Variants in GABRG1 observed in about 807,000 individuals in gnomAD.
The protein encoded by GABRG1 is gamma-aminobutyric acid type A receptor subunit gamma1.
A neutral mutation model predicts 49.8 loss-of-function variants in GABRG1; 49 were observed. The observed-to-expected ratio is 0.98, with a 90% CI of 0.78 to 1.25. The LOEUF (loss-of-function observed/expected upper bound fraction) is 1.25. Among genes scored for constraint, GABRG1 ranks in the 50% most tolerant of loss-of-function variants. GABRG1 has a pLI of 0.00. For missense variants in GABRG1, 552 were observed against 552.3 expected (o/e 1.00, Z 0.01); for synonymous variants, 232 against 185.1 (o/e 1.25, Z -2.06).
intron 3 of GABRG1, among the ~76,000 whole-genome samples, chr4:46,081,597 A>G (rs1016878751): frequency 6.6e-6 from 1 of 151,852 alleles, no homozygotes; most frequent in Non-Finnish European, 1.5e-5. Context: ...AGCCTGTAAT[A>G]AAGGGATGAT....
rs1717572193 is a variant in GABRG1, at chr4:46,037,380, CT to C, written c.*3607del. ...ATGGTTTTTGTAACTGTATAGAAGCCTGGCAAGACCTTCCTAGCAGTAAAAA... is the reference window on the plus strand; with the variant it reads ...ATGGTTTTTGTAACTGTATAGAAGCCGGCAAGACCTTCCTAGCAGTAAAAA... On this transcript the variant is annotated 3_prime_UTR_variant, in exon 9 of 9. Coordinates refer to ENST00000295452, the MANE Select transcript of GABRG1 (RefSeq NM_173536.4). 1 of 151,758 alleles carries C rather than the reference CT, an allele frequency of 6.6e-6. No individual in the cohort carries two copies. The highest frequency in any genetic ancestry group is 2.4e-5 in the African/African-American group (1 of 41,400). The allele number at this position is 151,758 out of a possible 1,614,324, so 9.4% of individuals were successfully genotyped here.
chr4:46,043,578 T>C (rs1002451670), intron 8 of GABRG1, among the ~76,000 whole-genome samples: 11 of 151,938 alleles, frequency 7.2e-5, no homozygotes, highest in African/African-American at 2.4e-4. Flanking sequence ...ATTCCAAGTC[T>C]TATTTATCTG....
chr4:46,079,929 G>T (rs1231628584), intron 3 of GABRG1, among the ~76,000 whole-genome samples: 1 of 151,726 alleles, frequency 6.6e-6, no homozygotes, highest in Non-Finnish European at 1.5e-5. Flanking sequence ...CTTCAATTCT[G>T]ATTGCATATT....
At chr4:46,104,449 CTTAG>C (rs1377181026) in intron 1 of GABRG1, among the ~76,000 whole-genome samples, 4 of 151,512 alleles carry the variant, frequency 2.6e-5, no homozygotes, top group East Asian at 2.0e-4. Context: ...ATTAACTAAT[CTTAG>C]TTAGTTATTA....
rs1168912455 is a variant in GABRG1, at chr4:46,038,125, C to A, written c.*2863G>T. ...AATGCCTCCAATTAGTTATCTAATT[C>A]CCACTTACATCAAGACTTCAGACTT... On this transcript the variant is annotated 3_prime_UTR_variant, in exon 9 of 9. Transcript: ENST00000295452. 6.6e-6 allele frequency: 1 copy of A among 151,598 alleles called. No individual in the cohort carries two copies. Among genetic ancestry groups the A allele is most frequent in the East Asian group, 1.9e-4 (1 of 5,168 alleles). 9.4% of individuals were successfully genotyped at this position (151,598 alleles called of 1,614,324 possible).
At chr4:46,109,030 T>C (rs1560373946) in intron 1 of GABRG1, among the ~76,000 whole-genome samples, 1 of 151,012 alleles carries the variant, frequency 6.6e-6, no homozygotes. Context: ...TTGGAGGGTT[T>C]TCCATATCTC....
At position 46,039,296 on chromosome 4, in the gene GABRG1, T is replaced by G. The variant is rs1036702137; in HGVS notation, c.*1692A>C. ...TGGGCATTACCATTTGATTCATGCTTATTTTTTTCCAGAAGTTTATGAGCA... is the reference window on the plus strand; with the variant it reads ...TGGGCATTACCATTTGATTCATGCTGATTTTTTTCCAGAAGTTTATGAGCA... On this transcript the variant is annotated 3_prime_UTR_variant, in exon 9 of 9. Coordinates refer to ENST00000295452, the MANE Select transcript of GABRG1 (RefSeq NM_173536.4). The G allele has an allele frequency of 4.6e-5, 7 of 151,508 alleles. No individual in the cohort carries two copies. The highest frequency in any genetic ancestry group is 2.0e-4 in the Admixed American group (3 of 15,136). The allele number at this position is 151,508 out of a possible 1,614,324, so 9.4% of individuals were successfully genotyped here.
intron 2 of GABRG1, among the ~76,000 whole-genome samples, chr4:46,087,297 A>G (rs551264274): frequency 1.4e-4 from 21 of 151,834 alleles, no homozygotes; most frequent in Admixed American, 1.4e-3. Flanking sequence ...TTATTGAGAC[A>G]ATTGGGAAGT....
At chr4:46,054,987 G>A (rs1428418394) in intron 7 of GABRG1, among the ~76,000 whole-genome samples, 1 of 95,546 alleles carries the variant, frequency 1.0e-5, no homozygotes, top group Non-Finnish European at 2.1e-5. Context: ...CTGTGGGTTT[G>A]TCATAAAAAC....
chr4:46,053,803 T>G (rs1202522780), intron 7 of GABRG1, among the ~76,000 whole-genome samples: 1 of 152,090 alleles, frequency 6.6e-6, no homozygotes, highest in Non-Finnish European at 1.5e-5. Context: ...TTTATTTAAT[T>G]TAGTAATTAT....
At chr4:46,077,512 T>A (rs1310919136) in intron 3 of GABRG1, among the ~76,000 whole-genome samples, 1 of 151,990 alleles carries the variant, frequency 6.6e-6, no homozygotes, top group Non-Finnish European at 1.5e-5. Flanking sequence ...CTTGGTTGAG[T>A]ATGTATTTCT....
At chr4:46,108,212 T>C (rs1430052653) in intron 1 of GABRG1, among the ~76,000 whole-genome samples, 1 of 151,076 alleles carries the variant, frequency 6.6e-6, no homozygotes, top group Admixed American at 6.6e-5. Context: ...TGATACTCTT[T>C]TCATGCACAT....
In GABRG1 at chr4:46,038,405, A is replaced by C. The variant is rs1421718391; in HGVS notation, c.*2583T>G. The C allele has an allele frequency of 6.6e-6, 1 of 151,692 alleles. No individual in the cohort carries two copies. Among genetic ancestry groups the C allele is most frequent in the Non-Finnish European group, 1.5e-5 (1 of 67,710 alleles). 9.4% of individuals were successfully genotyped at this position (151,692 alleles called of 1,614,324 possible). ...AACAAACATTTTTACAAATGATCTT[A>C]TTCCTTGTGCTCCAGGTATCCTTCC... On this transcript the variant is annotated 3_prime_UTR_variant, in exon 9 of 9. Transcript: ENST00000295452.
At chr4:46,102,999 T>C (rs868027837) in intron 1 of GABRG1, among the ~76,000 whole-genome samples, 14 of 149,714 alleles carry the variant, frequency 9.4e-5, no homozygotes, top group South Asian at 2.1e-4. Flanking sequence ...GGTTTACACC[T>C]GTTGCCCCAA....
intron 3 of GABRG1, among the ~76,000 whole-genome samples, chr4:46,076,384 T>G (rs1270522037): frequency 1.5e-5 from 2 of 136,790 alleles, no homozygotes; most frequent in African/African-American, 5.2e-5. Context: ...TATATATATA[T>G]ATATATATAT....
chr4:46,086,148 A>C (rs978951195), intron 2 of GABRG1, among the ~76,000 whole-genome samples: 2 of 151,626 alleles, frequency 1.3e-5, no homozygotes, highest in African/African-American at 4.8e-5. Context: ...CTGTTATTTT[A>C]AGTACTTTGC....
At chr4:46,064,547 T>A (rs1397268946) in intron 4 of GABRG1, 24 bp from the exon 5 acceptor site, 2 of 1,190,108 alleles carry the variant, frequency 1.7e-6, no homozygotes, top group South Asian at 1.7e-5. Flanking sequence ...AAGAAAAGTA[T>A]TAAATAAAGA....
chr4:46,058,464 C>G (rs373278401), intron 6 of GABRG1, 21 bp downstream of exon 6: 6 of 1,609,638 alleles, frequency 3.7e-6, no homozygotes, highest in African/African-American at 1.3e-5. Context: ...CATCATTTCA[C>G]TATTTGAGTA....
intron 1 of GABRG1, among the ~76,000 whole-genome samples, chr4:46,117,490 C>CA (rs968585271): frequency 6.7e-6 from 1 of 148,498 alleles, no homozygotes; most frequent in Admixed American, 6.8e-5. Flanking sequence ...AATCTATATA[C>CA]AAAAAATTCT....
Sources: allele counts gnomAD v4.1 joint callset (sites outside exome capture counted in the v4.1 genomes callset), GRCh38; gene constraint gnomAD v4.1.1; transcripts MANE v1.5; gene names NCBI Gene and HGNC (gene_info 2026-07-23, HGNC 2026-07-21).